The following IPO13 variants were observed in gnomAD, a reference collection of about 807,000 sequenced individuals.
The protein encoded by IPO13 is importin-13.
Under a neutral mutation model 115.5 loss-of-function variants are expected in IPO13, and 28 were observed. The observed-to-expected ratio is 0.24, with a 90% CI of 0.18 to 0.33. IPO13 has a LOEUF of 0.33. Ranked by LOEUF, IPO13 falls within the 10% of genes least tolerant of loss-of-function variation. The probability of loss-of-function intolerance (pLI) is 1.00; values close to 1 mark genes in which losing one functional copy is unlikely to be tolerated. For missense variants in IPO13, 785 were observed against 1,204.6 expected, an observed-to-expected ratio of 0.65 and a Z score of 5.16; for synonymous variants, 414 against 478.9, an observed-to-expected ratio of 0.86 and a Z score of 1.77.
Position 43,967,845 on chromosome 1 carries a change from C to A in IPO13, c.*163C>A. Reference sequence around the variant, plus strand: ...GGGGAAGGATGGGAGGATGCTTGGACCCAGGCCTTGGGAGGGAATGGTGGG... The same window carrying A: ...GGGGAAGGATGGGAGGATGCTTGGAACCAGGCCTTGGGAGGGAATGGTGGG... On this transcript the variant is annotated 3_prime_UTR_variant, in exon 20 of 20. Coordinates refer to ENST00000372343, the MANE Select transcript of IPO13 (RefSeq NM_014652.4). This position sits in a 1 kb window ranked among gnomAD's most constrained non-coding sequence, Gnocchi z 6.1. The A allele has an allele frequency of 2.9e-6, 2 of 681,020 alleles. No homozygotes were observed. The highest frequency in any genetic ancestry group is 2.5e-6 in the Non-Finnish European group (1 of 392,552). The allele number at this position is 681,020 out of a possible 1,614,324, so 42.2% of individuals were successfully genotyped here.
chr1:43,956,636 C>T lies in IPO13; in HGVS notation c.1039C>T (p.Pro347Ser). The T allele has an allele frequency of 6.2e-7, 1 of 1,614,234 alleles. No individual in the cohort carries two copies. Among genetic ancestry groups the T allele is most frequent in the Non-Finnish European group, 8.5e-7 (1 of 1,180,030 alleles). Reference protein sequence around the residue: ...VNMIMFCTGIPGHYPVNETTS... With the variant: ...VNMIMFCTGISGHYPVNETTS... Reference sequence around the variant, plus strand: ...CATGATTATGTTCTGCACAGGCATCCCTGGCCACTATCCTGTCAATGAGAC... The same window carrying T: ...CATGATTATGTTCTGCACAGGCATCTCTGGCCACTATCCTGTCAATGAGAC... The change falls in exon 4 of 20, where the codon CCT becomes TCT. Residue 347 changes from proline to serine, a missense_variant. By Grantham distance (74) the Pro-to-Ser change is moderately conservative. This residue lies in a region of IPO13 where 325 missense variants were observed against 449.8 expected (regional missense o/e 0.72). Coordinates refer to ENST00000372343, the MANE Select transcript of IPO13 (RefSeq NM_014652.4). This position sits in a 1 kb window ranked among gnomAD's most constrained non-coding sequence, Gnocchi z 4.7.
rs1371813796 is a variant in IPO13, at chr1:43,961,190, C to T, written c.2272C>T (p.Pro758Ser). ...RQLVHIFAHEPAHFPPIEALF... is the reference protein window; with the variant it reads ...RQLVHIFAHESAHFPPIEALF... ...GCTGGTCCACATCTTTGCTCATGAG[C>T]CTGCCCACTTTCCCCCAATTGAGGC... The change falls in exon 14 of 20, where the codon CCT (proline) becomes TCT (serine). Residue 758 changes from proline to serine, a missense_variant. Transcript: ENST00000372343. 4 of 1,614,018 alleles carry T rather than the reference C, an allele frequency of 2.5e-6. No homozygotes were observed. The highest frequency in any genetic ancestry group is 1.7e-5 in the Admixed American group (1 of 59,996).
rs747194991 is a variant in IPO13 at position 43,966,516 on chromosome 1, T to TG, written c.2398-52dup. ...GTTGGGGGCTGGGGTGGCAGGTGAGTGGGGGGGATGGTCCTTGGAGCTGGC... is the reference window on the plus strand; with the variant it reads ...GTTGGGGGCTGGGGTGGCAGGTGAGTGGGGGGGGATGGTCCTTGGAGCTGGC... On this transcript the variant is annotated intron_variant, in intron 15 of 19. Coordinates refer to ENST00000372343, the MANE Select transcript of IPO13 (RefSeq NM_014652.4). This position sits in a 1 kb window ranked among gnomAD's most constrained non-coding sequence, Gnocchi z 4.1. 2.6e-5 allele frequency: 41 copies of TG among 1,547,246 alleles called. No individual in the cohort carries two copies. Among genetic ancestry groups the TG allele is most frequent in the South Asian group, 4.5e-5 (4 of 89,496 alleles).
At chr1:43,965,077 C>T (rs1438569645) in intron 15 of IPO13, among the ~76,000 whole-genome samples, 2 of 151,548 alleles carry the variant, frequency 1.3e-5, no homozygotes, top group African/African-American at 4.9e-5. Flanking sequence ...AGAGCGTGGA[C>T]GTGTGTTGGA....
chr1:43,957,732 A>T (rs2085261143), intron 7 of IPO13, among the ~76,000 whole-genome samples, 183 bp downstream of exon 7: 1 of 152,242 alleles, frequency 6.6e-6, no homozygotes, highest in Admixed American at 6.5e-5. Context: ...CTGAGCTGCA[A>T]TTCAGTGAGG....
At chr1:43,955,082 C>T (rs1008137) in intron 2 of IPO13, among the ~76,000 whole-genome samples, 21,183 of 152,134 alleles carry the variant, frequency 0.14, 1,678 homozygotes, top group African/African-American at 0.2. Context: ...TCTTCTCCTT[C>T]CTCATATCCA....
rs767079625 is a variant in IPO13, at chr1:43,957,398, C to T, written c.1393-4C>T. ...TCCAAGCCAGTGGCACCCTCTTTCC[C>T]CAGCACACAGAGGCCCTCCTCTACG... is the stretch of plus-strand genomic sequence containing the variant. On this transcript the variant is annotated splice_region_variant and splice_polypyrimidine_tract_variant and intron_variant, in intron 6 of 19. Coordinates refer to ENST00000372343, the MANE Select transcript of IPO13 (RefSeq NM_014652.4). The T allele has an allele frequency of 6.2e-7, 1 of 1,614,150 alleles. No individual in the cohort carries two copies. The highest frequency in any genetic ancestry group is 8.5e-7 in the Non-Finnish European group (1 of 1,180,004).
intron 2 of IPO13, among the ~76,000 whole-genome samples, chr1:43,950,966 G>A (rs1328500112): frequency 2.0e-5 from 3 of 152,146 alleles, no homozygotes; most frequent in East Asian, 3.8e-4. Context: ...TTACTTTGTC[G>A]CATTGTGCTC....
In IPO13 at chr1:43,949,878, A is replaced by C. The variant is rs769000789; in HGVS notation, c.546A>C (p.Leu182=). ...VLPEEFQTSR[L]PQYRKGLVRT... ...CTGAGGAGTTCCAGACCAGTCGCCT[A>C]CCCCAGTACCGCAAAGGCCTGGTGC... Residue 182 remains leucine (L), a synonymous_variant, in exon 2 of 20, where the codon CTA becomes CTC. Coordinates refer to ENST00000372343, the MANE Select transcript of IPO13 (RefSeq NM_014652.4). 2 of 1,612,028 alleles carry C rather than the reference A, an allele frequency of 1.2e-6. No homozygotes were observed. The highest frequency in any genetic ancestry group is 1.7e-6 in the Non-Finnish European group (2 of 1,179,836).
chr1:43,948,055 C>T (rs1022925408), intron 1 of IPO13, among the ~76,000 whole-genome samples: 2 of 152,252 alleles, frequency 1.3e-5, no homozygotes, highest in African/African-American at 4.8e-5. Context: ...TGATGCCAAA[C>T]CATCCTGGAC....
intron 5 of IPO13, 79 bp downstream of exon 5, chr1:43,957,055 C>T: frequency 1.3e-6 from 2 of 1,568,296 alleles, no homozygotes; most frequent in Non-Finnish European, 1.7e-6. Flanking sequence ...CAAGTCCAGG[C>T]TTTCTGAATT....
intron 15 of IPO13, among the ~76,000 whole-genome samples, chr1:43,964,642 T>A (rs917208751): frequency 1.3e-5 from 2 of 152,104 alleles, no homozygotes; most frequent in Non-Finnish European, 2.9e-5. Context: ...GCCCAAGAAG[T>A]TCACGTGTAG....
At chr1:43,949,196 G>C (rs949799169) in intron 1 of IPO13, among the ~76,000 whole-genome samples, 5 of 152,178 alleles carry the variant, frequency 3.3e-5, no homozygotes, top group African/African-American at 1.2e-4. Flanking sequence ...ATGTTTTGCT[G>C]TAAGGAGAAG....
rs1286298700 is a variant in IPO13, at chr1:43,956,982, G to T, written c.1271+6G>T. On this transcript the variant is annotated splice_donor_region_variant and intron_variant, in intron 5 of 19. Transcript: ENST00000372343. This position sits in a 1 kb window ranked among gnomAD's most constrained non-coding sequence, Gnocchi z 4.7. ...GAGCAGTTCCGAATTTACAGGTGAT[G>T]GTAGCAGGCCAACTCCTCTAAAATG... 1.2e-6 allele frequency: 2 copies of T among 1,613,704 alleles called. No homozygotes were observed. Among genetic ancestry groups the T allele is most frequent in the South Asian group, 2.2e-5 (2 of 91,024 alleles).
rs1279017008 is a variant in IPO13, at chr1:43,966,281, G to A, written c.2398-294G>A. ...GCGAGACATCTGGCCCTGATGGAGG[G>A]GGAGGGAAAGGTGTCTGGAACCCAA... On this transcript the variant is annotated intron_variant, in intron 15 of 19. Coordinates refer to ENST00000372343, the MANE Select transcript of IPO13 (RefSeq NM_014652.4). The surrounding 1 kb of genome is among the most constrained non-coding windows in gnomAD (Gnocchi z 4.1). The A allele has an allele frequency of 5.8e-6, 3 of 519,908 alleles. No homozygotes were observed. The highest frequency in any genetic ancestry group is 1.0e-5 in the Non-Finnish European group (3 of 285,908). The allele number at this position is 519,908 out of a possible 1,614,324, so 32.2% of individuals were successfully genotyped here.
intron 14 of IPO13, among the ~76,000 whole-genome samples, chr1:43,963,326 G>T (rs2085301955): frequency 6.6e-6 from 1 of 152,224 alleles, no homozygotes; most frequent in South Asian, 2.1e-4. Flanking sequence ...ACTGGAGGCA[G>T]CAGTGTCCAA....
intron 14 of IPO13, among the ~76,000 whole-genome samples, chr1:43,963,161 GA>G (rs1487091744): frequency 1.3e-5 from 2 of 152,244 alleles, no homozygotes; most frequent in Non-Finnish European, 2.9e-5. Context: ...CTGCTTTACA[GA>G]TGGGGAAACT....
Position 43,967,475 on chromosome 1 carries a change from C to T in IPO13, c.2774C>T (p.Thr925Ile), listed in dbSNP as rs200760761. The T allele has an allele frequency of 2.5e-6, 4 of 1,614,164 alleles. No homozygotes were observed. Among genetic ancestry groups the T allele is most frequent in the East Asian group, 2.2e-5 (1 of 44,888 alleles). Reference sequence around the variant, plus strand: ...CGCCTCAGCCCTGAACAGAAGGATACCTTCAGCCAGCAGATCCTTCGGTGA... The same window carrying T: ...CGCCTCAGCCCTGAACAGAAGGATATCTTCAGCCAGCAGATCCTTCGGTGA... ...SARLSPEQKD[T>I]FSQQILRERV... Residue 925 changes from threonine to isoleucine, a missense_variant, in exon 19 of 20, where the codon ACC (threonine) becomes ATC (isoleucine). Thr to Ile is a moderately conservative substitution (Grantham distance 89). Around this residue, in one of 3 missense-constraint regions of IPO13, gnomAD observed 285 missense variants for 394.8 expected, o/e 0.72. Transcript: ENST00000372343. The surrounding 1 kb of genome is among the most constrained non-coding windows in gnomAD (Gnocchi z 6.1).
chr1:43,953,983 T>C (rs2085226474), intron 2 of IPO13, among the ~76,000 whole-genome samples: 2 of 152,354 alleles, frequency 1.3e-5, no homozygotes, highest in African/African-American at 4.8e-5. Context: ...TCTGAGCTCT[T>C]TGAGGCTGTA....
Sources: allele counts gnomAD v4.1 joint callset (sites outside exome capture counted in the v4.1 genomes callset), GRCh38; gene constraint gnomAD v4.1.1; regional missense constraint gnomAD v4.1.1; non-coding constraint Gnocchi (gnomAD v3.1); transcripts MANE v1.5; gene names NCBI Gene and HGNC (gene_info 2026-07-23, HGNC 2026-07-21).